The following PREX2 variants were observed in gnomAD, a reference collection of about 807,000 sequenced individuals.
PREX2 encodes phosphatidylinositol-3,4,5-trisphosphate dependent Rac exchange factor 2.
PREX2 carries 107 observed loss-of-function variants against 203.2 expected under a neutral mutation model. The ratio of observed to expected loss-of-function variants is 0.53; its 90% CI spans 0.45 to 0.62. The LOEUF (loss-of-function observed/expected upper bound fraction) is 0.62. Ranked by LOEUF, PREX2 falls within the 20% of genes least tolerant of loss-of-function variation. The probability of loss-of-function intolerance (pLI) is 0.00; values close to 1 mark genes in which losing one functional copy is unlikely to be tolerated. For missense variants in PREX2, 1,777 were observed against 1,955.9 expected, an observed-to-expected ratio of 0.91 and a Z score of 1.72; for synonymous variants, 672 against 663.6, an observed-to-expected ratio of 1.01 and a Z score of -0.19.
In PREX2 at chr8:68,059,767, T is replaced by C. The variant is rs1808789555; in HGVS notation, c.1239-912T>C. Among the ~76,000 whole-genome samples the C allele has an allele frequency of 3.3e-5, 5 of 152,100 alleles. No homozygotes were observed. In the South Asian group the frequency reaches 1.0e-3, roughly 32 times the overall value. On this transcript the variant is annotated intron_variant, in intron 10 of 39. Transcript: ENST00000288368. ...TTCAGTGCCAAGCTTATTCAGGTGG[T>C]TGTCAGGAATCAGCTCCTCATTGAG...
At chr8:68,102,899 T>C (rs1405143952) in intron 23 of PREX2, 3 of 518,058 alleles carry the variant, frequency 5.8e-6, no homozygotes, top group Non-Finnish European at 1.2e-5. Flanking sequence ...GCGAGATGTT[T>C]TTCTCTGTGG....
At chr8:68,194,338 A>G (rs1177928767) in intron 37 of PREX2, among the ~76,000 whole-genome samples, 2 of 152,322 alleles carry the variant, frequency 1.3e-5, no homozygotes, top group East Asian at 3.9e-4. Flanking sequence ...GGCAAGTGGA[A>G]TAAATCCAAA....
At chr8:68,059,658 G>A (rs1356553303) in intron 10 of PREX2, among the ~76,000 whole-genome samples, 1 of 152,220 alleles carries the variant, frequency 6.6e-6, no homozygotes. Flanking sequence ...GAGAGCTCAA[G>A]TGGGTTCTCT....
At chr8:68,178,038 A>G (rs1036007538) in intron 35 of PREX2, among the ~76,000 whole-genome samples, 1 of 152,172 alleles carries the variant, frequency 6.6e-6, no homozygotes, top group Non-Finnish European at 1.5e-5. Flanking sequence ...CCAGTCTATC[A>G]CTGATGGACA....
At chr8:68,040,453 T>G (rs921290917) in intron 7 of PREX2, among the ~76,000 whole-genome samples, 2 of 152,162 alleles carry the variant, frequency 1.3e-5, no homozygotes, top group Non-Finnish European at 2.9e-5. Context: ...TCCTTTAGCC[T>G]TCTCTTTCTC....
chr8:68,059,694 C>CT (rs1808786439), intron 10 of PREX2, among the ~76,000 whole-genome samples: 1 of 152,260 alleles, frequency 6.6e-6, no homozygotes. Context: ...ACCCCAAAAT[C>CT]AAGGTGCTGG....
chr8:68,124,868 GT>G (rs2129613198), intron 30 of PREX2, among the ~76,000 whole-genome samples: 1 of 152,184 alleles, frequency 6.6e-6, no homozygotes, highest in African/African-American at 2.4e-5. Flanking sequence ...CCAATGGCTA[GT>G]TGAGTGTGGT....
intron 33 of PREX2, among the ~76,000 whole-genome samples, chr8:68,142,057 A>G (rs1811241546): frequency 6.6e-6 from 1 of 152,162 alleles, no homozygotes; most frequent in Non-Finnish European, 1.5e-5. Context: ...ACACATGTAC[A>G]GCCTCCCCAG....
intron 33 of PREX2, among the ~76,000 whole-genome samples, chr8:68,143,877 G>A (rs1811273825): frequency 6.6e-6 from 1 of 152,108 alleles, no homozygotes; most frequent in Admixed American, 6.6e-5. Flanking sequence ...AGGATATAAT[G>A]TGAGTATCTA....
chr8:68,185,339 T>G (rs1812169313), intron 35 of PREX2, among the ~76,000 whole-genome samples: 1 of 152,172 alleles, frequency 6.6e-6, no homozygotes, highest in Admixed American at 6.6e-5. Flanking sequence ...TCTCTCTACC[T>G]TACATGAACC....
In PREX2 at chr8:68,030,428, G is replaced by A. The variant is rs1278347553; in HGVS notation, c.544-69G>A. The A allele has an allele frequency of 1.2e-5, 17 of 1,448,970 alleles. 1 individual carries two copies. Among genetic ancestry groups the A allele is most frequent in the South Asian group, 2.7e-5 (2 of 73,914 alleles). The allele number at this position is 1,448,970 out of a possible 1,614,324, so 89.8% of individuals were successfully genotyped here. A position where few individuals can be genotyped will look rare whatever the true frequency, so the allele number is the denominator to read the frequency against. ...TGATCTTTGCAGTTTTCATTTCCTG[G>A]TCAGTCTGAACCTGCTGTACCAGAA... is the stretch of plus-strand genomic sequence containing the variant. On this transcript the variant is annotated intron_variant, in intron 5 of 39. Coordinates refer to ENST00000288368, the MANE Select transcript of PREX2 (RefSeq NM_024870.4).
At chr8:68,150,219 G>T (rs1811406135) in intron 34 of PREX2, among the ~76,000 whole-genome samples, 1 of 152,176 alleles carries the variant, frequency 6.6e-6, no homozygotes, top group Admixed American at 6.5e-5. Context: ...TGTAGGGACT[G>T]GGAGAGGCTT....
At chr8:68,101,946 T>A (rs544624603) in intron 23 of PREX2, among the ~76,000 whole-genome samples, 5 of 152,128 alleles carry the variant, frequency 3.3e-5, no homozygotes, top group Non-Finnish European at 7.4e-5. Flanking sequence ...GCTTTAAGAA[T>A]AAGGACCAAG....
At chr8:68,077,666 G>A (rs1205605185) in intron 15 of PREX2, among the ~76,000 whole-genome samples, 197 bp downstream of exon 15, 2 of 152,118 alleles carry the variant, frequency 1.3e-5, no homozygotes, top group Non-Finnish European at 2.9e-5. Flanking sequence ...TCTAATTGCT[G>A]TTACCTACCA....
chr8:68,016,644 A>G (rs1303666825), intron 1 of PREX2, among the ~76,000 whole-genome samples: 7 of 152,014 alleles, frequency 4.6e-5, no homozygotes, highest in Admixed American at 2.6e-4. Context: ...ATAGGATCTT[A>G]CTCTGTCACC....
intron 38 of PREX2, among the ~76,000 whole-genome samples, chr8:68,223,647 T>C (rs1048920330): frequency 6.6e-6 from 1 of 152,182 alleles, no homozygotes; most frequent in Non-Finnish European, 1.5e-5. Flanking sequence ...CCCCAAACTC[T>C]GGTCTTTGGT....
intron 11 of PREX2, among the ~76,000 whole-genome samples, chr8:68,062,435 T>A (rs966584033): frequency 1.3e-5 from 2 of 152,190 alleles, no homozygotes; most frequent in African/African-American, 2.4e-5. Context: ...CAACATCCGA[T>A]GAGATAAGGC....
Position 68,130,245 on chromosome 8 carries a change from G to A in PREX2, c.3766+2826G>A, listed in dbSNP as rs1036315644. 5.9e-5 allele frequency among the ~76,000 whole-genome samples: 9 copies of A among 152,100 alleles called. No individual in the cohort carries two copies. The East Asian group carries it at 7.7e-4, about 13-fold the overall frequency. Reference sequence around the variant, plus strand: ...TTTGAACCTGCAGTGAGCTATGATCGTGCCACTGTACTCCAGCCTGGGTGA... The same window carrying A: ...TTTGAACCTGCAGTGAGCTATGATCATGCCACTGTACTCCAGCCTGGGTGA... On this transcript the variant is annotated intron_variant, in intron 31 of 39. Coordinates refer to ENST00000288368, the MANE Select transcript of PREX2 (RefSeq NM_024870.4).
In PREX2 at chr8:68,069,048, A is replaced by T; in HGVS notation, c.1355A>T (p.Gln452Leu). Reference sequence around the variant, plus strand: ...ATGTTCTTAGTTACTGATAAACATCAATTCAAACCAGAACAGATGTTATAT... The same window carrying T: ...ATGTTCTTAGTTACTGATAAACATCTATTCAAACCAGAACAGATGTTATAT... ...GIIHHVTDKH[Q>L]FKPEQMLYRF... Residue 452 changes from glutamine (Q) to leucine (L), a missense_variant, in exon 12 of 40, where the codon CAA (glutamine) becomes CTA (leucine). By Grantham distance (113) the Gln-to-Leu change is moderately radical (BLOSUM62 -2). Transcript: ENST00000288368. 1 of 1,470,750 alleles carries T rather than the reference A, an allele frequency of 6.8e-7. No homozygotes were observed. 91.1% of individuals were successfully genotyped at this position (1,470,750 alleles called of 1,614,324 possible). A position where few individuals can be genotyped will look rare whatever the true frequency, so the allele number is the denominator to read the frequency against.
Sources: allele counts gnomAD v4.1 joint callset (sites outside exome capture counted in the v4.1 genomes callset), GRCh38; gene constraint gnomAD v4.1.1; transcripts MANE v1.5; gene names NCBI Gene and HGNC (gene_info 2026-07-23, HGNC 2026-07-21).